Variants in RGL3 observed in about 807,000 individuals in gnomAD.
RGL3 encodes ral guanine nucleotide dissociation stimulator like 3.
In RGL3, 85 loss-of-function variants were observed where a neutral mutation model predicts 90.6. That is an observed-to-expected ratio of 0.94 (90% CI 0.79 to 1.12). The LOEUF is 1.12. RGL3 is among the 50% of genes most tolerant of loss of function. RGL3 has a pLI of 0.00. For synonymous variants in RGL3, 408 were observed against 385.5 expected, an observed-to-expected ratio of 1.06 and a Z score of -0.68; for missense variants, 1,034 against 939.2, an observed-to-expected ratio of 1.10 and a Z score of -1.32.
At position 11,394,791 on chromosome 19, in the gene RGL3, A is replaced by T. The variant is rs77017415; in HGVS notation, c.2015-271T>A. On this transcript the variant is annotated intron_variant, in intron 18 of 18. Transcript: ENST00000380456. ...CCATAGAGACAAGGCAACCTGCAGTAAAAGTTTGAGCAAACTGGCCGGGCG... is the reference window on the plus strand; with the variant it reads ...CCATAGAGACAAGGCAACCTGCAGTTAAAGTTTGAGCAAACTGGCCGGGCG... The T allele has an allele frequency of 3.1e-3, 1,166 of 376,650 alleles. 21 individuals are homozygous for T. In the East Asian group the frequency reaches 0.049, roughly 16 times the overall value. 23.3% of individuals were successfully genotyped at this position (376,650 alleles called of 1,614,324 possible). A position where few individuals can be genotyped will look rare whatever the true frequency, so the allele number is the denominator to read the frequency against.
intron 5 of RGL3, among the ~76,000 whole-genome samples, chr19:11,410,935 G>A (rs539693125): frequency 6.6e-6 from 1 of 152,200 alleles, no homozygotes. Context: ...CCGGTAGGGC[G>A]TGGTGACTCA....
rs148645163 is a variant in RGL3, at chr19:11,405,410, C to T, written c.1013G>A (p.Arg338Gln). ...IRIAQRCREL[R>Q]NFSSLRAILS... is the part of the protein sequence containing the mutation. ...GATGGCGCGCAAGGAGGAGAAGTTC[C>T]GCAGTTCTCGGCAGCGCTGCCAGGC... Residue 338 changes from arginine (R) to glutamine (Q), a missense_variant, in exon 8 of 19, where the codon CGG becomes CAG. Arg to Gln is a conservative substitution (Grantham distance 43). Transcript: ENST00000380456. The T allele has an allele frequency of 2.5e-4, 397 of 1,575,612 alleles. No individual in the cohort carries two copies. The highest frequency in any genetic ancestry group is 1.8e-4 in the Middle Eastern group (1 of 5,448).
In RGL3 at chr19:11,397,545, C is replaced by T. The variant is rs749448742; in HGVS notation, c.1799G>A (p.Gly600Asp). 1 of 1,609,778 alleles carries T rather than the reference C, an allele frequency of 6.2e-7. No individual in the cohort carries two copies. The highest frequency in any genetic ancestry group is 8.5e-7 in the Non-Finnish European group (1 of 1,177,958). Reference sequence around the variant, plus strand: ...CGCCGGGAGGGGGATTCGAGGGCTGCCCAGAGGCAAAGCGAAGGGCCGGGG... The same window carrying T: ...CGCCGGGAGGGGGATTCGAGGGCTGTCCAGAGGCAAAGCGAAGGGCCGGGG... ...PSPRPFALPLGSPRIPLPAQQ... is the reference protein window; with the variant it reads ...PSPRPFALPLDSPRIPLPAQQ... The change falls in exon 17 of 19, where the codon GGC (glycine) becomes GAC (aspartate). Residue 600 changes from glycine (G) to aspartate (D), a missense_variant. Coordinates refer to ENST00000380456, the MANE Select transcript of RGL3 (RefSeq NM_001035223.4).
chr19:11,402,367 C>T (rs927361446), intron 11 of RGL3, 88 bp downstream of exon 11: 1 of 1,567,322 alleles, frequency 6.4e-7, no homozygotes, highest in Non-Finnish European at 8.7e-7. Context: ...GTCAGGAGTA[C>T]AGGTAGGATC....
In RGL3 at chr19:11,405,226, G is replaced by T; in HGVS notation, c.1106C>A (p.Pro369Gln). 1 of 1,614,014 alleles carries T rather than the reference G, an allele frequency of 6.2e-7. No individual in the cohort carries two copies. Among genetic ancestry groups the T allele is most frequent in the Non-Finnish European group, 8.5e-7 (1 of 1,179,910 alleles). ...CGAAAGTTTCCTGAAAGTAGATAGCGGTTCCCTGGAAGGACAGGAGAAGGG... is the reference window on the plus strand; with the variant it reads ...CGAAAGTTTCCTGAAAGTAGATAGCTGTTCCCTGGAAGGACAGGAGAAGGG... ...KRSWGAVSRE[P>Q]LSTFRKLSQI... The change falls in exon 9 of 19, where the codon CCG becomes CAG. Residue 369 changes from proline to glutamine, a missense_variant. By Grantham distance (76) the Pro-to-Gln change is moderately conservative. Transcript: ENST00000380456.
At position 11,405,024 on chromosome 19, in the gene RGL3, T is replaced by C. The variant is rs910803680; in HGVS notation, c.1185+123A>G. On this transcript the variant is annotated intron_variant, in intron 9 of 18. Coordinates refer to ENST00000380456, the MANE Select transcript of RGL3 (RefSeq NM_001035223.4). Reference sequence around the variant, plus strand: ...CCCGCCAGGGACAAGGATAAGGTCATTGCTGAGCGGTAGGGAAGGACAGAG... The same window carrying C: ...CCCGCCAGGGACAAGGATAAGGTCACTGCTGAGCGGTAGGGAAGGACAGAG... The C allele has an allele frequency of 6.0e-6, 5 of 826,694 alleles. No individual in the cohort carries two copies. The African/African-American group carries it at 8.4e-5, about 14-fold the overall frequency. 51.2% of individuals were successfully genotyped at this position (826,694 alleles called of 1,614,324 possible). A position where few individuals can be genotyped will look rare whatever the true frequency, so the allele number is the denominator to read the frequency against.
At chr19:11,414,533 T>TTA (rs1555720275) in intron 5 of RGL3, among the ~76,000 whole-genome samples, 2 of 67,352 alleles carry the variant, frequency 3.0e-5, no homozygotes, top group East Asian at 5.0e-4. Flanking sequence ...ATATATACCT[T>TTA]TATATATATA....
Position 11,416,154 on chromosome 19 carries a change from C to CAG in RGL3, c.426-8_426-7dup. On this transcript the variant is annotated splice_polypyrimidine_tract_variant and splice_region_variant and intron_variant, in intron 4 of 18. Coordinates refer to ENST00000380456, the MANE Select transcript of RGL3 (RefSeq NM_001035223.4). ...CCAGCACTGACACCACAGCCCTGGC[C>CAG]AGAGAGGCAGGGTCTCAGAGCTGGG... 6.5e-7 allele frequency: 1 copy of CAG among 1,530,728 alleles called. No individual in the cohort carries two copies. Among genetic ancestry groups the CAG allele is most frequent in the Non-Finnish European group, 8.7e-7 (1 of 1,142,976 alleles). The allele number at this position is 1,530,728 out of a possible 1,614,324, so 94.8% of individuals were successfully genotyped here.
intron 7 of RGL3, among the ~76,000 whole-genome samples, chr19:11,405,754 G>A (rs185894712): frequency 1.2e-3 from 184 of 150,718 alleles, no homozygotes; most frequent in African/African-American, 4.3e-3. Context: ...GGAATGCAGT[G>A]GCCCGATCTC....
Position 11,410,113 on chromosome 19 carries a change from AAT to A in RGL3, c.638-3251_638-3250del, listed in dbSNP as rs202107012. On this transcript the variant is annotated intron_variant, in intron 5 of 18. Coordinates refer to ENST00000380456, the MANE Select transcript of RGL3 (RefSeq NM_001035223.4). Reference sequence around the variant, plus strand: ...CCACTATGCCCAGCCAGCTAATTTAAATATATATATATTTTTTTATTATTTAT... The same window carrying A: ...CCACTATGCCCAGCCAGCTAATTTAAATATATATATTTTTTTATTATTTAT... Among the ~76,000 whole-genome samples the A allele has an allele frequency of 1.4e-4, 21 of 147,680 alleles. 1 individual carries two copies. In the South Asian group the frequency reaches 4.6e-3, roughly 32 times the overall value.
chr19:11,403,640 C>CAAAAAAAAAAAAAA (rs889376839), intron 9 of RGL3, among the ~76,000 whole-genome samples: 1 of 49,414 alleles, frequency 2.0e-5, no homozygotes, highest in Non-Finnish European at 4.2e-5. Context: ...AACTCCATCT[C>CAAAAAAAAAAAAAA]AAAAAAAAAA....
chr19:11,416,795 T>C lies in RGL3; in HGVS notation c.371+41A>G, dbSNP rs748590146. On this transcript the variant is annotated intron_variant, in intron 3 of 18. Transcript: ENST00000380456. ...GGTGGAGGGGGGTGCCCAGTTGGGG[T>C]TCTAGGGTGGAGAATACGGAGGTTA... 2.5e-6 allele frequency: 4 copies of C among 1,608,808 alleles called. No individual in the cohort carries two copies. In the Admixed American group the frequency reaches 6.7e-5, roughly 27 times the overall value.
intron 5 of RGL3, among the ~76,000 whole-genome samples, chr19:11,409,706 C>T (rs778116910): frequency 9.9e-5 from 15 of 152,136 alleles, no homozygotes; most frequent in Admixed American, 4.6e-4. Flanking sequence ...ATGTTGCTGT[C>T]TTTGCCTCAC....
chr19:11,408,524 T>G (rs1478474743), intron 5 of RGL3, among the ~76,000 whole-genome samples: 1 of 150,864 alleles, frequency 6.6e-6, no homozygotes, highest in African/African-American at 2.4e-5. Flanking sequence ...AGACGGAGCT[T>G]GCAGTGAGCC....
chr19:11,395,264 C>G (rs1003464472), intron 18 of RGL3, among the ~76,000 whole-genome samples: 1 of 151,956 alleles, frequency 6.6e-6, no homozygotes, highest in Admixed American at 6.6e-5. Context: ...TGAATAACTT[C>G]CCACTTCCAG....
intron 10 of RGL3, 23 bp from the exon 11 acceptor site, chr19:11,402,564 C>A: frequency 6.2e-7 from 1 of 1,606,756 alleles, no homozygotes; most frequent in Non-Finnish European, 8.5e-7. Flanking sequence ...AAGCTCCAGT[C>A]ACTTGGGGCC....
intron 13 of RGL3, among the ~76,000 whole-genome samples, chr19:11,401,438 C>T (rs1471423342): frequency 6.6e-6 from 1 of 151,082 alleles, no homozygotes; most frequent in Non-Finnish European, 1.5e-5. Context: ...CTCTGTTGCC[C>T]AGGCTGGAGT....
chr19:11,398,944 C>T (rs755286098), intron 16 of RGL3, among the ~76,000 whole-genome samples: 9 of 152,122 alleles, frequency 5.9e-5, no homozygotes, highest in Non-Finnish European at 1.3e-4. Flanking sequence ...GCTGGGATTA[C>T]AGGCGTGAGC....
rs1312871461 is a variant in RGL3, at chr19:11,402,680, T to C, written c.1212A>G (p.Glu404=). The part of the protein sequence containing the change: ...FQEEATEGSQ[E]EDNTPGSLPS... ...GCAGGCTGCCTGGGGTGTTGTCCTC[T>C]TCTTGGGATCCCTCAGTGGCCTCCT... Residue 404 remains glutamate (E), a synonymous_variant, in exon 10 of 19, where the codon GAA becomes GAG. Coordinates refer to ENST00000380456, the MANE Select transcript of RGL3 (RefSeq NM_001035223.4). The C allele has an allele frequency of 1.7e-5, 28 of 1,613,714 alleles. No homozygotes were observed. The highest frequency in any genetic ancestry group is 2.4e-5 in the Non-Finnish European group (28 of 1,179,914).
Sources: allele counts gnomAD v4.1 joint callset (sites outside exome capture counted in the v4.1 genomes callset), GRCh38; gene constraint gnomAD v4.1.1; transcripts MANE v1.5; gene names NCBI Gene and HGNC (gene_info 2026-07-23, HGNC 2026-07-21).